Variants in WWOX observed in about 807,000 individuals in gnomAD.
WWOX encodes WW domain containing oxidoreductase, also known as WW domain-containing oxidoreductase.
WWOX carries 69 observed loss-of-function variants against 46.2 expected under a neutral mutation model. The ratio of observed to expected loss-of-function variants is 1.49; its 90% confidence interval spans 1.23 to 1.82. WWOX has a LOEUF of 1.82. WWOX is among the 40% of genes most tolerant of loss of function. WWOX has a pLI of 0.00. For missense variants in WWOX, 919 were observed against 542.6 expected (o/e 1.69, Z -6.89); for synonymous variants, 359 against 202.6 (o/e 1.77, Z -6.56).
At chr16:78,904,999 GTTA>G (rs1205279791) in intron 8 of WWOX, among the ~76,000 whole-genome samples, 1 of 152,048 alleles carries the variant, frequency 6.6e-6, no homozygotes, top group East Asian at 1.9e-4. Flanking sequence ...ATCCTATAGT[GTTA>G]TTATAACTAC....
At position 79,211,790 on chromosome 16, in the gene WWOX, C is replaced by A. The variant is rs199576434; in HGVS notation, c.1239C>A (p.Ser413=). The A allele has an allele frequency of 3.1e-6, 5 of 1,614,098 alleles. No individual in the cohort carries two copies. The highest frequency in any genetic ancestry group is 3.4e-6 in the Non-Finnish European group (4 of 1,179,984). ...TCCAAGAACGGCTTGGCAGCCAGTC[C>A]GGCTAAGTGGAGCTCAGAGCGGATG... is the stretch of plus-strand genomic sequence containing the variant. The part of the protein sequence containing the change: ...RLIQERLGSQ[S]G Residue 413 remains serine (S), a synonymous_variant, in exon 9 of 9, where the codon TCC becomes TCA. Transcript: ENST00000566780.
At chr16:78,597,327 C>G (rs954774961) in intron 8 of WWOX, among the ~76,000 whole-genome samples, 4 of 152,150 alleles carry the variant, frequency 2.6e-5, no homozygotes, top group African/African-American at 9.7e-5. Context: ...GTGCCGGGCA[C>G]TGTACTTGGG....
intron 8 of WWOX, among the ~76,000 whole-genome samples, chr16:78,760,279 C>A (rs541203087): frequency 1.3e-5 from 2 of 152,164 alleles, no homozygotes; most frequent in African/African-American, 4.8e-5. Flanking sequence ...AGAAATCGAT[C>A]CTGTGATTCA....
chr16:79,004,652 C>T (rs1201069658), intron 8 of WWOX: 2 of 152,302 alleles, frequency 1.3e-5, no homozygotes, highest in Non-Finnish European at 2.9e-5. Flanking sequence ...ACGCCAACTC[C>T]TGTTTATACT....
chr16:78,806,215 CT>C (rs1597643952), intron 8 of WWOX, among the ~76,000 whole-genome samples: 2 of 152,110 alleles, frequency 1.3e-5, no homozygotes, highest in East Asian at 3.9e-4. Flanking sequence ...AGACCTTGAA[CT>C]TTTTCCTCTC....
At chr16:78,190,133 C>G (rs1247649437) in intron 5 of WWOX, among the ~76,000 whole-genome samples, 1 of 152,140 alleles carries the variant, frequency 6.6e-6, no homozygotes, top group East Asian at 1.9e-4. Context: ...CAGTTATGGT[C>G]TGTTACATCC....
intron 8 of WWOX, among the ~76,000 whole-genome samples, chr16:78,999,924 A>G (rs1338987056): frequency 1.3e-5 from 2 of 152,246 alleles, no homozygotes; most frequent in Non-Finnish European, 2.9e-5. Context: ...CTACGTCATG[A>G]GAAAGCATTG....
chr16:78,692,920 A>G (rs2048023676), intron 8 of WWOX, among the ~76,000 whole-genome samples: 1 of 152,214 alleles, frequency 6.6e-6, no homozygotes, highest in Non-Finnish European at 1.5e-5. Flanking sequence ...TATCGTTTGC[A>G]TGGTGTTTTA....
At chr16:79,042,697 G>A (rs1240301626) in intron 8 of WWOX, among the ~76,000 whole-genome samples, 1 of 150,172 alleles carries the variant, frequency 6.7e-6, no homozygotes, top group Non-Finnish European at 1.5e-5. Context: ...GCTTCAGGAA[G>A]ACTTTGTGGG....
intron 5 of WWOX, among the ~76,000 whole-genome samples, chr16:78,351,497 C>T (rs2081183020): frequency 1.3e-5 from 2 of 152,142 alleles, no homozygotes; most frequent in Admixed American, 1.3e-4. Context: ...GAGGGGTGGT[C>T]TGCCCCTGTG....
intron 8 of WWOX, among the ~76,000 whole-genome samples, chr16:79,134,860 A>G (rs1301078930): frequency 6.6e-6 from 1 of 152,174 alleles, no homozygotes; most frequent in African/African-American, 2.4e-5. Context: ...GTGGCTTGGA[A>G]AGGAGAAAGC....
chr16:78,169,214 G>A (rs2035069336), intron 5 of WWOX, among the ~76,000 whole-genome samples: 1 of 152,182 alleles, frequency 6.6e-6, no homozygotes, highest in Non-Finnish European at 1.5e-5. Flanking sequence ...TGTATTCCAA[G>A]AGGCCAGTGT....
intron 8 of WWOX, among the ~76,000 whole-genome samples, chr16:78,915,827 A>G (rs976687262): frequency 6.6e-6 from 1 of 152,166 alleles, no homozygotes; most frequent in Admixed American, 6.5e-5. Flanking sequence ...TCTTCTTCCA[A>G]TTTTTAATCT....
intron 8 of WWOX, among the ~76,000 whole-genome samples, chr16:78,685,945 A>G (rs1211683004): frequency 6.6e-6 from 1 of 152,058 alleles, no homozygotes; most frequent in East Asian, 1.9e-4. Context: ...GAGGGAGGAG[A>G]GACATGGACC....
intron 8 of WWOX, among the ~76,000 whole-genome samples, chr16:79,190,356 G>T (rs1362795109): frequency 1.3e-5 from 2 of 152,072 alleles, no homozygotes; most frequent in Non-Finnish European, 2.9e-5. Flanking sequence ...AAAAAAATCG[G>T]GAATTAGCGT....
intron 8 of WWOX, among the ~76,000 whole-genome samples, chr16:78,545,358 G>T (rs897830139): frequency 6.6e-6 from 1 of 151,910 alleles, no homozygotes; most frequent in Non-Finnish European, 1.5e-5. Flanking sequence ...TATTGAGATG[G>T]TTCCTTTTAA....
intron 8 of WWOX, chr16:78,892,117 C>T (rs1378003110): frequency 6.6e-6 from 1 of 152,088 alleles, no homozygotes; most frequent in African/African-American, 2.4e-5. Context: ...TGTCACTTGC[C>T]AAACCATGTT....
At chr16:78,326,652 T>A (rs878943957) in intron 5 of WWOX, among the ~76,000 whole-genome samples, 1 of 144,562 alleles carries the variant, frequency 6.9e-6, no homozygotes, top group East Asian at 2.1e-4. Flanking sequence ...GCATATTTTC[T>A]GGCATACAGC....
intron 8 of WWOX, among the ~76,000 whole-genome samples, chr16:79,042,140 T>A (rs1175655419): frequency 6.6e-6 from 1 of 152,174 alleles, no homozygotes; most frequent in African/African-American, 2.4e-5. Context: ...CCCGCCTGTC[T>A]CTGAAGTATT....
Sources: allele counts gnomAD v4.1 joint callset (sites outside exome capture counted in the v4.1 genomes callset), GRCh38; gene constraint gnomAD v4.1.1; transcripts MANE v1.5; gene names NCBI Gene and HGNC (gene_info 2026-07-23, HGNC 2026-07-21).